Variants in SLCO3A1 observed in about 807,000 individuals in gnomAD.
SLCO3A1 encodes PGE1 transporter.
SLCO3A1 carries 27 observed loss-of-function variants against 63.1 expected under a neutral mutation model. The ratio of observed to expected loss-of-function variants is 0.43; its 90% CI spans 0.32 to 0.59. The LOEUF is 0.59. SLCO3A1 is among the 20% of genes least tolerant of loss of function. The pLI is 0.09. For synonymous variants in SLCO3A1, 473 were observed against 409.9 expected (o/e 1.15, Z -1.86); for missense variants, 773 against 945.8 (o/e 0.82, Z 2.40).
intron 2 of SLCO3A1, among the ~76,000 whole-genome samples, chr15:92,055,458 C>T (rs937516556): frequency 1.3e-5 from 2 of 152,084 alleles, no homozygotes; most frequent in South Asian, 2.1e-4. Flanking sequence ...TAATTAGATT[C>T]GATTTGTCAG....
intron 8 of SLCO3A1, chr15:92,149,508 G>C (rs539179911): frequency 2.0e-5 from 3 of 152,326 alleles, no homozygotes; most frequent in Non-Finnish European, 4.4e-5. Context: ...ATCTGGAAGC[G>C]AGGTTGAAAG....
At chr15:92,036,359 CTT>C (rs768649802) in intron 2 of SLCO3A1, among the ~76,000 whole-genome samples, 2 of 50,360 alleles carry the variant, frequency 4.0e-5, no homozygotes, top group Admixed American at 7.0e-4. Flanking sequence ...CTGAGGTTTT[CTT>C]TTTTTTTTTT....
intron 2 of SLCO3A1, among the ~76,000 whole-genome samples, chr15:92,042,694 G>C (rs1217256616): frequency 6.6e-6 from 1 of 152,166 alleles, no homozygotes; most frequent in East Asian, 1.9e-4. Context: ...GTGTTCACCA[G>C]ATAGCTGAGG....
chr15:92,141,792 C>T (rs2048135828), intron 7 of SLCO3A1, among the ~76,000 whole-genome samples: 1 of 152,230 alleles, frequency 6.6e-6, no homozygotes, highest in African/African-American at 2.4e-5. Context: ...CCTTATGCAC[C>T]CATCTCCCTT....
At chr15:91,995,851 C>T (rs930139145) in intron 2 of SLCO3A1, among the ~76,000 whole-genome samples, 2 of 151,366 alleles carry the variant, frequency 1.3e-5, no homozygotes, top group African/African-American at 2.4e-5. Context: ...AAGCAATACT[C>T]ATAGAAATTT....
At chr15:91,935,164 G>A (rs112099878) in intron 2 of SLCO3A1, among the ~76,000 whole-genome samples, 9,021 of 152,264 alleles carry the variant, frequency 0.059, 379 homozygotes, top group Non-Finnish European at 0.09. Context: ...ATGTTGGCCA[G>A]GATGGTCTCG....
At chr15:91,866,452 G>A (rs1897165907) in intron 1 of SLCO3A1, among the ~76,000 whole-genome samples, 1 of 151,922 alleles carries the variant, frequency 6.6e-6, no homozygotes, top group Admixed American at 6.6e-5. Context: ...TCTCAGATTT[G>A]GCCAGGTATG....
Position 92,104,330 on chromosome 15 carries a change from G to C in SLCO3A1, c.797G>C (p.Gly266Ala). ...CCCCGCTGGATCGGAGCCTGGTGGGGTGGCTTTCTGCTCTGCGGTGCCTTA... is the reference window on the plus strand; with the variant it reads ...CCCCGCTGGATCGGAGCCTGGTGGGCTGGCTTTCTGCTCTGCGGTGCCTTA... ...DDPRWIGAWW[G>A]GFLLCGALLF... Residue 266 changes from glycine to alanine, a missense_variant, in exon 4 of 10, where the codon GGT (glycine) becomes GCT (alanine). This residue lies in a region of SLCO3A1 where 565 missense variants were observed against 749.8 expected (regional missense o/e 0.75). Coordinates refer to ENST00000318445, the MANE Select transcript of SLCO3A1 (RefSeq NM_013272.4). 1.5e-5 allele frequency: 25 copies of C among 1,614,192 alleles called. No individual in the cohort carries two copies. Among genetic ancestry groups the C allele is most frequent in the Non-Finnish European group, 2.0e-5 (24 of 1,180,042 alleles).
chr15:91,967,727 C>T lies in SLCO3A1; in HGVS notation c.646+51269C>T, dbSNP rs1025849460. ...CTGGATCATATTGTCTCTCAAATAT[C>T]AATAGCACAGTTTTTGGCTGTGTTG... On this transcript the variant is annotated intron_variant, in intron 2 of 9. Coordinates refer to ENST00000318445, the MANE Select transcript of SLCO3A1 (RefSeq NM_013272.4). The surrounding 1 kb of genome is among the most constrained non-coding windows in gnomAD (Gnocchi z 4.4). Among the ~76,000 whole-genome samples, 1 of 152,196 alleles carries T rather than the reference C, an allele frequency of 6.6e-6. No homozygotes were observed. The highest frequency in any genetic ancestry group is 1.5e-5 in the Non-Finnish European group (1 of 68,044).
At chr15:92,152,973 C>T (rs1300155559) in intron 9 of SLCO3A1, among the ~76,000 whole-genome samples, 2 of 152,146 alleles carry the variant, frequency 1.3e-5, no homozygotes, top group African/African-American at 2.4e-5. Context: ...AGATGAAAAA[C>T]AATTTGCAAG....
At chr15:92,141,567 A>C (rs1434273450) in intron 7 of SLCO3A1, among the ~76,000 whole-genome samples, 3 of 152,194 alleles carry the variant, frequency 2.0e-5, no homozygotes, top group Admixed American at 1.3e-4. Context: ...AAGCATTTGC[A>C]GATCTAGGGC....
intron 9 of SLCO3A1, among the ~76,000 whole-genome samples, chr15:92,161,265 A>G (rs1444553985): frequency 6.6e-6 from 1 of 151,784 alleles, no homozygotes; most frequent in Non-Finnish European, 1.5e-5. Context: ...TACAGATGAC[A>G]CTCTCCCCCT....
chr15:92,080,933 A>G (rs974568407), intron 2 of SLCO3A1, among the ~76,000 whole-genome samples: 1 of 118,510 alleles, frequency 8.4e-6, no homozygotes, highest in South Asian at 2.6e-4. Flanking sequence ...ATGGATACAT[A>G]GTAGCTGTGT....
intron 2 of SLCO3A1, among the ~76,000 whole-genome samples, chr15:92,001,915 GTTC>G (rs2046259986): frequency 7.0e-6 from 1 of 142,440 alleles, no homozygotes; most frequent in Admixed American, 7.4e-5. Flanking sequence ...TGCTGTGTGA[GTTC>G]TTTTTATTAG....
chr15:92,102,031 A>G (rs2047611385), intron 3 of SLCO3A1, among the ~76,000 whole-genome samples: 1 of 151,976 alleles, frequency 6.6e-6, no homozygotes, highest in African/African-American at 2.4e-5. Flanking sequence ...CTAAAATATG[A>G]CTTTTCTAAT....
chr15:92,078,662 T>C (rs1161305263), intron 2 of SLCO3A1, among the ~76,000 whole-genome samples: 1 of 152,238 alleles, frequency 6.6e-6, no homozygotes, highest in African/African-American at 2.4e-5. Flanking sequence ...TTTAGTCCTC[T>C]GCTTTGTTTT....
chr15:92,067,958 C>T (rs148946281), intron 2 of SLCO3A1, among the ~76,000 whole-genome samples: 3 of 152,210 alleles, frequency 2.0e-5, no homozygotes, highest in Admixed American at 6.5e-5. Context: ...TGAGGCAGCT[C>T]CCTGGAGCCT....
At chr15:92,149,690 A>G (rs1473930904) in intron 8 of SLCO3A1, 1 of 152,214 alleles carries the variant, frequency 6.6e-6, no homozygotes, top group Non-Finnish European at 1.5e-5. Context: ...TCAAGCCAAG[A>G]AGGATTCTTC....
At chr15:92,030,298 G>C (rs2046630534) in intron 2 of SLCO3A1, among the ~76,000 whole-genome samples, 1 of 152,148 alleles carries the variant, frequency 6.6e-6, no homozygotes, top group African/African-American at 2.4e-5. Context: ...AATACCAAGA[G>C]AAAAGAACTT....
Sources: allele counts gnomAD v4.1 joint callset (sites outside exome capture counted in the v4.1 genomes callset), GRCh38; gene constraint gnomAD v4.1.1; regional missense constraint gnomAD v4.1.1; non-coding constraint Gnocchi (gnomAD v3.1); transcripts MANE v1.5; gene names NCBI Gene and HGNC (gene_info 2026-07-23, HGNC 2026-07-21).